The following SCAF4 variants were observed in gnomAD, a reference collection of about 807,000 sequenced individuals.
SCAF4 encodes the protein SR-related and CTD-associated factor 4.
Under a neutral mutation model 129.8 loss-of-function variants are expected in SCAF4, and 25 were observed. The observed-to-expected ratio is 0.19, with a 90% CI of 0.14 to 0.27. The LOEUF (loss-of-function observed/expected upper bound fraction) is 0.27, where lower values mean the gene tolerates loss of function less well. SCAF4 is among the 10% of genes least tolerant of loss of function. The pLI, the probability that SCAF4 is intolerant of heterozygous loss-of-function variation, is 1.00. For missense variants in SCAF4, 1,246 were observed against 1,457.1 expected, an observed-to-expected ratio of 0.86 and a Z score of 2.36; for synonymous variants, 551 against 497.7, an observed-to-expected ratio of 1.11 and a Z score of -1.43.
chr21:31,718,135 G>A (rs894598017), intron 1 of SCAF4, among the ~76,000 whole-genome samples: 27 of 152,146 alleles, frequency 1.8e-4, no homozygotes, highest in African/African-American at 6.0e-4. Context: ...TAGTAGAGAT[G>A]GGGTTTCTCC....
At chr21:31,696,978 T>C (rs1443695561) in intron 7 of SCAF4, among the ~76,000 whole-genome samples, 4 of 152,182 alleles carry the variant, frequency 2.6e-5, no homozygotes, top group Admixed American at 6.5e-5. Flanking sequence ...CCTTCCTCAA[T>C]TGTAAGTACA....
chr21:31,710,446 G>A (rs2050772848), intron 1 of SCAF4, among the ~76,000 whole-genome samples: 1 of 152,178 alleles, frequency 6.6e-6, no homozygotes, highest in Non-Finnish European at 1.5e-5. Flanking sequence ...CTACTTGGGA[G>A]GCTGAGGCAT....
chr21:31,713,575 A>T (rs1346450536), intron 1 of SCAF4, among the ~76,000 whole-genome samples: 1 of 152,218 alleles, frequency 6.6e-6, no homozygotes. Flanking sequence ...TGAATTACAT[A>T]ATTCCTACTG....
intron 19 of SCAF4, chr21:31,684,403 G>A (rs541442161): frequency 6.6e-6 from 1 of 152,344 alleles, no homozygotes; most frequent in South Asian, 2.1e-4. Context: ...GCTTAAAGAT[G>A]TAAAAGATCT....
intron 19 of SCAF4, among the ~76,000 whole-genome samples, chr21:31,682,442 AG>A (rs1479440385): frequency 6.6e-6 from 1 of 152,206 alleles, no homozygotes; most frequent in Non-Finnish European, 1.5e-5. Flanking sequence ...TCACAGATGA[AG>A]TAATGTAATT....
intron 1 of SCAF4, among the ~76,000 whole-genome samples, chr21:31,731,140 G>A (rs2051343406): frequency 6.6e-6 from 1 of 152,202 alleles, no homozygotes; most frequent in Non-Finnish European, 1.5e-5. Flanking sequence ...ACTCCTCCCA[G>A]ACCCGGGATC....
chr21:31,671,799 C>A lies in SCAF4; in HGVS notation c.3044G>T (p.Arg1015Leu). 6.2e-7 allele frequency: 1 copy of A among 1,614,106 alleles called. No individual in the cohort carries two copies. Among genetic ancestry groups the A allele is most frequent in the Non-Finnish European group, 8.5e-7 (1 of 1,179,938 alleles). ...TCTATCATCATTACGGTTCCCATAC[C>A]GTTCCCGGTCATTTTCCACCCTATT... ...FGNRVENDRE[R>L]YGNRNDDRDN... Residue 1015 changes from arginine to leucine, a missense_variant, in exon 20 of 20, where the codon CGG becomes CTG. By Grantham distance (102) the Arg-to-Leu change is moderately radical. This residue lies in a region of SCAF4 where 339 missense variants were observed against 325.0 expected (regional missense o/e 1.04). Transcript: ENST00000286835.
At position 31,706,313 on chromosome 21, in the gene SCAF4, C is replaced by T. The variant is rs768429532; in HGVS notation, c.75G>A (p.Lys25=). 2 of 1,610,532 alleles carry T rather than the reference C, an allele frequency of 1.2e-6. No homozygotes were observed. Among genetic ancestry groups the T allele is most frequent in the South Asian group, 2.2e-5 (2 of 90,756 alleles). ...MDMKPPISRA[K]MILITKAAIK... ...TAGCAGCTTTAGTGATGAGAATCAT[C>T]TTGGCTCTAGAGATGGGAGGTTTCA... The change falls in exon 2 of 20, where the codon AAG becomes AAA. Residue 25 remains lysine (K), a synonymous_variant. Coordinates refer to ENST00000286835, the MANE Select transcript of SCAF4 (RefSeq NM_020706.2).
chr21:31,683,342 C>T lies in SCAF4; in HGVS notation c.2488+1707G>A, dbSNP rs112815846. 9.4e-3 allele frequency among the ~76,000 whole-genome samples: 1,427 copies of T among 152,286 alleles called. 25 individuals carry two copies. Among genetic ancestry groups the T allele is most frequent in the African/African-American group, 0.032 (1,347 of 41,540 alleles). ...TACTATGTTTTTCCAAGCTCACCGACTTCTCATCTGTGTTTGGTTGCACAT... is the reference window on the plus strand; with the variant it reads ...TACTATGTTTTTCCAAGCTCACCGATTTCTCATCTGTGTTTGGTTGCACAT... On this transcript the variant is annotated intron_variant, in intron 19 of 19. Transcript: ENST00000286835.
intron 1 of SCAF4, among the ~76,000 whole-genome samples, chr21:31,718,029 C>T (rs1459697252): frequency 1.3e-5 from 2 of 152,044 alleles, no homozygotes; most frequent in East Asian, 1.9e-4. Context: ...CCACAACCTC[C>T]GCCTCCCAGG....
intron 1 of SCAF4, among the ~76,000 whole-genome samples, chr21:31,727,365 A>G (rs1048976814): frequency 6.6e-6 from 1 of 152,194 alleles, no homozygotes; most frequent in Non-Finnish European, 1.5e-5. Context: ...GGCGTAAGCC[A>G]CCGTGCCTGG....
intron 16 of SCAF4, 58 bp downstream of exon 16, chr21:31,688,249 G>A: frequency 6.5e-7 from 1 of 1,543,840 alleles, no homozygotes; most frequent in Non-Finnish European, 8.8e-7. Flanking sequence ...TCTACAGTAA[G>A]ATTTAGAAAG....
chr21:31,707,353 C>CA (rs1262611682), intron 1 of SCAF4, among the ~76,000 whole-genome samples: 1 of 151,838 alleles, frequency 6.6e-6, no homozygotes, highest in Admixed American at 6.6e-5. Context: ...ACTTTGTTTC[C>CA]AAAAAACACA....
At position 31,671,952 on chromosome 21, in the gene SCAF4, T is replaced by C. The variant is rs2049712890; in HGVS notation, c.2891A>G (p.Gln964Arg). ...CTGTTGTGATGGTGGTGGCTGCTGC[T>C]GCTGCTGCTGCTGTGGTTGCTGGGG... is the stretch of plus-strand genomic sequence containing the variant. ...QAPQQPQQQQ[Q>R]QQPPPSQQPP... Residue 964 changes from glutamine to arginine, a missense_variant, in exon 20 of 20, where the codon CAG becomes CGG. Gln to Arg is a conservative substitution (Grantham distance 43). Transcript: ENST00000286835. The C allele has an allele frequency of 1.9e-6, 3 of 1,608,238 alleles. No homozygotes were observed. The highest frequency in any genetic ancestry group is 3.3e-5 in the Admixed American group (2 of 59,944).
At chr21:31,728,756 CTCTA>C (rs1451532552) in intron 1 of SCAF4, among the ~76,000 whole-genome samples, 1 of 152,098 alleles carries the variant, frequency 6.6e-6, no homozygotes, top group Admixed American at 6.6e-5. Flanking sequence ...GGATGTCTCC[CTCTA>C]TCTCTTAGTT....
At chr21:31,694,531 G>C (rs1331157654) in intron 10 of SCAF4, among the ~76,000 whole-genome samples, 1 of 152,084 alleles carries the variant, frequency 6.6e-6, no homozygotes, top group Admixed American at 6.5e-5. Flanking sequence ...AAGTTACTTT[G>C]CTTAAATTAC....
At chr21:31,691,771 TCTGC>T (rs778964468) in intron 14 of SCAF4, 42 bp downstream of exon 14, 10 of 981,122 alleles carry the variant, frequency 1.0e-5, no homozygotes, top group Non-Finnish European at 4.4e-6. Flanking sequence ...TTTTTCCCCT[TCTGC>T]CTATTTAAAA....
chr21:31,687,486 C>G (rs1309151346), intron 16 of SCAF4, among the ~76,000 whole-genome samples: 2 of 151,816 alleles, frequency 1.3e-5, no homozygotes. Flanking sequence ...CCCAGTTCTA[C>G]CAGAATCTAG....
At chr21:31,731,583 T>G in intron 1 of SCAF4, 80 bp downstream of exon 1, 1 of 1,520,024 alleles carries the variant, frequency 6.6e-7, no homozygotes, top group South Asian at 1.1e-5. Context: ...GGACCAAAGC[T>G]TTAAACCTCC....
Sources: gnomAD v4.1 joint callset for allele counts (sites outside exome capture counted in the v4.1 genomes callset) on GRCh38, gnomAD v4.1.1 for gene constraint, gnomAD v4.1.1 regional missense constraint, MANE v1.5 for transcripts, NCBI Gene and HGNC (gene_info 2026-07-23, HGNC 2026-07-21) for gene names.